The following COMMD10 variants were observed in gnomAD, a reference collection of about 807,000 sequenced individuals.
The protein encoded by COMMD10 is COMM domain containing 10, also known as COMM domain-containing protein 10.
COMMD10 carries 33 observed loss-of-function variants against 28.9 expected under a neutral mutation model. That is an observed-to-expected ratio of 1.14 (90% CI 0.87 to 1.53). COMMD10 has a LOEUF of 1.53. Ranked by LOEUF, COMMD10 falls within the 40% of genes most tolerant of loss-of-function variation. COMMD10 has a pLI of 0.00. For missense variants in COMMD10, 310 were observed against 233.4 expected (o/e 1.33, Z -2.14); for synonymous variants, 110 against 81.7 (o/e 1.35, Z -1.87).
intron 5 of COMMD10, among the ~76,000 whole-genome samples, chr5:116,281,343 T>C (rs1561407242): frequency 6.6e-6 from 1 of 151,822 alleles, no homozygotes; most frequent in Non-Finnish European, 1.5e-5. Flanking sequence ...CTAATGGGTA[T>C]GTGCAACATT....
intron 1 of COMMD10, among the ~76,000 whole-genome samples, chr5:116,086,792 A>G (rs1347349135): frequency 6.6e-6 from 1 of 152,086 alleles, no homozygotes; most frequent in Non-Finnish European, 1.5e-5. Context: ...AGCCTGGGCA[A>G]CAGGGCAAAA....
chr5:116,229,427 G>A (rs1749474116), intron 5 of COMMD10, among the ~76,000 whole-genome samples: 1 of 152,026 alleles, frequency 6.6e-6, no homozygotes, highest in African/African-American at 2.4e-5. Flanking sequence ...AGGCAGAGAA[G>A]CAGGACAAAG....
intron 5 of COMMD10, among the ~76,000 whole-genome samples, chr5:116,184,635 T>C (rs1001725672): frequency 6.6e-6 from 1 of 152,080 alleles, no homozygotes; most frequent in African/African-American, 2.4e-5. Flanking sequence ...GCAGTGGAGT[T>C]GTTATTTACC....
At chr5:116,117,883 A>T (rs1044948558) in intron 4 of COMMD10, among the ~76,000 whole-genome samples, 1 of 152,200 alleles carries the variant, frequency 6.6e-6, no homozygotes, top group African/African-American at 2.4e-5. Context: ...CCCAACCATT[A>T]CTAGACTAAG....
intron 5 of COMMD10, among the ~76,000 whole-genome samples, chr5:116,267,786 A>G (rs1220267809): frequency 1.3e-5 from 2 of 151,872 alleles, no homozygotes; most frequent in African/African-American, 4.9e-5. Context: ...GTCCTCAGAC[A>G]TAATACCACA....
rs867011525 is a variant in COMMD10 at position 116,202,469 on chromosome 5, C to T, written c.510+68291C>T. The stretch of plus-strand genomic sequence containing the variant: ...CCCTGAGGAATCGCCACACAGACTT[C>T]CACAATGGTTGAACTAGTTTACAGT... On this transcript the variant is annotated intron_variant, in intron 5 of 6. Transcript: ENST00000274458. 4.9e-3 allele frequency among the ~76,000 whole-genome samples: 740 copies of T among 152,018 alleles called. 10 individuals are homozygous for T. The highest frequency in any genetic ancestry group is 0.017 in the African/African-American group (699 of 41,442).
chr5:116,246,871 C>A (rs914710568), intron 5 of COMMD10, among the ~76,000 whole-genome samples: 3 of 151,766 alleles, frequency 2.0e-5, no homozygotes, highest in Non-Finnish European at 4.4e-5. Context: ...AAGTATAAAA[C>A]CCCTGGAAGA....
At chr5:116,087,894 A>G (rs892430965) in intron 2 of COMMD10, among the ~76,000 whole-genome samples, 1 of 152,192 alleles carries the variant, frequency 6.6e-6, no homozygotes, top group African/African-American at 2.4e-5. Flanking sequence ...CTGTTTTATT[A>G]TGGTATATAT....
At chr5:116,117,772 T>TA (rs1315065067) in intron 4 of COMMD10, among the ~76,000 whole-genome samples, 1 of 152,176 alleles carries the variant, frequency 6.6e-6, no homozygotes, top group Non-Finnish European at 1.5e-5. Flanking sequence ...GGCCTGATTT[T>TA]AGTCATTCTT....
chr5:116,212,496 C>CGGTGTGTGTGTGTGTGTGTGTG (rs1554102851), intron 5 of COMMD10, among the ~76,000 whole-genome samples: 1 of 63,798 alleles, frequency 1.6e-5, no homozygotes, highest in Admixed American at 1.8e-4. Context: ...TACTGAAATG[C>CGGTGTGTGTGTGTGTGTGTGTG]TGTGTGTGTG....
chr5:116,267,383 A>G (rs1256589962), intron 5 of COMMD10, among the ~76,000 whole-genome samples: 2 of 151,920 alleles, frequency 1.3e-5, no homozygotes, highest in African/African-American at 4.9e-5. Context: ...TAGGAATCCA[A>G]TTTACAAGGG....
intron 5 of COMMD10, among the ~76,000 whole-genome samples, chr5:116,164,241 A>T (rs2112571133): frequency 6.6e-6 from 1 of 152,242 alleles, no homozygotes; most frequent in East Asian, 1.9e-4. Flanking sequence ...GAACTGCTTG[A>T]ACCCAGGAGG....
chr5:116,292,273 A>G (rs1751384321), intron 6 of COMMD10, among the ~76,000 whole-genome samples, 178 bp from the exon 7 acceptor site: 1 of 152,118 alleles, frequency 6.6e-6, no homozygotes, highest in Non-Finnish European at 1.5e-5. Context: ...AAATTCTAAT[A>G]TCTTCACCTA....
At chr5:116,147,546 T>A (rs1384397640) in intron 5 of COMMD10, among the ~76,000 whole-genome samples, 1 of 151,784 alleles carries the variant, frequency 6.6e-6, no homozygotes, top group Non-Finnish European at 1.5e-5. Flanking sequence ...TGACATAAAT[T>A]TTGCTTATAG....
intron 5 of COMMD10, among the ~76,000 whole-genome samples, chr5:116,149,684 C>A (rs1417859612): frequency 6.6e-6 from 1 of 150,450 alleles, no homozygotes; most frequent in African/African-American, 2.4e-5. Context: ...ATGTCCTTTG[C>A]CCACTTTTTG....
At chr5:116,106,821 A>G (rs1191852281) in intron 4 of COMMD10, among the ~76,000 whole-genome samples, 5 of 151,376 alleles carry the variant, frequency 3.3e-5, no homozygotes, top group East Asian at 1.9e-4. Flanking sequence ...TTTGCTTTCC[A>G]TTTGCTTTGT....
chr5:116,103,280 C>T (rs1304142233), intron 4 of COMMD10, among the ~76,000 whole-genome samples: 1 of 152,156 alleles, frequency 6.6e-6, no homozygotes, highest in East Asian at 1.9e-4. Context: ...ATTTACACTC[C>T]CACCAACAGT....
At chr5:116,158,170 C>CCTCCCTCCTCTCTCTCCGTCTCCTCTCT (rs1561637741) in intron 5 of COMMD10, among the ~76,000 whole-genome samples, 1 of 5,408 alleles carries the variant, frequency 1.8e-4, no homozygotes. Context: ...CCCTCCTCTC[C>CCTCCCTCCTCTCTCTCCGTCTCCTCTCT]CTCCGTCTCC....
chr5:116,279,488 A>G (rs571057073), intron 5 of COMMD10, among the ~76,000 whole-genome samples: 1 of 151,936 alleles, frequency 6.6e-6, no homozygotes, highest in East Asian at 1.9e-4. Context: ...TTCTTAAAGA[A>G]TGGGGACATT....
Sources: allele counts gnomAD v4.1 joint callset (sites outside exome capture counted in the v4.1 genomes callset), GRCh38; gene constraint gnomAD v4.1.1; transcripts MANE v1.5; gene names NCBI Gene and HGNC (gene_info 2026-07-23, HGNC 2026-07-21).